The following HM13 variants were observed in gnomAD, a reference collection of about 807,000 sequenced individuals.
HM13 encodes signal peptide peptidase.
A neutral mutation model predicts 50.0 loss-of-function variants in HM13; 18 were observed. The observed-to-expected ratio is 0.36, with a 90% CI of 0.25 to 0.53. HM13 has a LOEUF of 0.53. Among genes scored for constraint, HM13 ranks in the 20% least tolerant of loss-of-function variants. HM13 has a pLI of 0.90. For synonymous variants in HM13, 197 were observed against 232.6 expected (o/e 0.85, Z 1.39); for missense variants, 393 against 552.4 (o/e 0.71, Z 2.89).
intron 2 of HM13, among the ~76,000 whole-genome samples, chr20:31,535,081 G>A (rs1395017838): frequency 2.7e-5 from 4 of 150,018 alleles, no homozygotes; most frequent in South Asian, 2.1e-4. Context: ...GCAAGACTCC[G>A]TCTCAAAAAA....
At chr20:31,542,248 G>T (rs561614772) in intron 3 of HM13, among the ~76,000 whole-genome samples, 2 of 152,344 alleles carry the variant, frequency 1.3e-5, no homozygotes, top group South Asian at 4.1e-4. Context: ...TAGTCACCAA[G>T]ATTCAAACCC....
chr20:31,548,595 G>T (rs1983849677), intron 4 of HM13: 1 of 236,704 alleles, frequency 4.2e-6, no homozygotes, highest in African/African-American at 2.2e-5. Context: ...GCCAGGCACT[G>T]TGCTGAATGC....
At chr20:31,527,362 G>GAGCATCTTGCCCCAGGATGAGGCAGGC in intron 1 of HM13, 122 bp from the exon 2 acceptor site, 2 of 656,336 alleles carry the variant, frequency 3.0e-6, no homozygotes, top group Non-Finnish European at 5.3e-6. Context: ...GGCAAGATCA[G>GAGCATCTTGCCCCAGGATGAGGCAGGC]AGCATCTTGC....
intron 7 of HM13, among the ~76,000 whole-genome samples, chr20:31,552,614 A>G (rs866878322): frequency 2.0e-5 from 3 of 152,334 alleles, no homozygotes; most frequent in Middle Eastern, 3.4e-3. Context: ...TGCTGACATC[A>G]GGCTGCCTGG....
intron 2 of HM13, among the ~76,000 whole-genome samples, chr20:31,537,624 C>G (rs1408686308): frequency 6.6e-6 from 1 of 152,190 alleles, no homozygotes; most frequent in Non-Finnish European, 1.5e-5. Context: ...CAAGTTTCAC[C>G]TAACGACGAA....
chr20:31,549,554 AC>A lies in HM13; in HGVS notation c.666+224del, dbSNP rs563402301. On this transcript the variant is annotated intron_variant, in intron 6 of 12. Transcript: ENST00000398174. ...GCACACTCATGCCCGGTGCCTTCCG[AC>A]CACCTGCCTCTCTTCCTTGCTAGCA... is the stretch of plus-strand genomic sequence containing the variant. Among the ~76,000 whole-genome samples the A allele has an allele frequency of 1.5e-3, 229 of 152,200 alleles. 2 individuals are homozygous for A. Among genetic ancestry groups the A allele is most frequent in the Middle Eastern group, 3.4e-3 (1 of 294 alleles).
chr20:31,518,594 C>T (rs941114034), intron 1 of HM13, among the ~76,000 whole-genome samples: 2 of 151,486 alleles, frequency 1.3e-5, no homozygotes, highest in African/African-American at 2.4e-5. Flanking sequence ...TGCAATGAGC[C>T]GAGATCATGC....
chr20:31,514,520 A>C lies in HM13; in HGVS notation c.-32A>C, dbSNP rs757639952. 1.8e-5 allele frequency: 29 copies of C among 1,590,822 alleles called. No homozygotes were observed. In the Middle Eastern group the frequency reaches 6.7e-4, roughly 37 times the overall value. ...CCTGCGTCCCTGCTGCAGCAACCGG[A>C]GCTGGAGTCGGATCCCGAACGCACC... On this transcript the variant is annotated 5_prime_UTR_variant, in exon 1 of 13. Transcript: ENST00000398174. This position sits in a 1 kb window ranked among gnomAD's most constrained non-coding sequence, Gnocchi z 4.3.
intron 1 of HM13, among the ~76,000 whole-genome samples, chr20:31,526,441 G>A (rs1247064769): frequency 1.3e-5 from 2 of 152,174 alleles, no homozygotes; most frequent in African/African-American, 2.4e-5. Context: ...ACAGGCGTGA[G>A]CCACTGCGCC....
At chr20:31,520,687 G>A (rs1982103750) in intron 1 of HM13, among the ~76,000 whole-genome samples, 1 of 152,178 alleles carries the variant, frequency 6.6e-6, no homozygotes. Context: ...TGATAGGCAG[G>A]AGGGAGAAGT....
intron 1 of HM13, among the ~76,000 whole-genome samples, chr20:31,521,587 G>A (rs974680877): frequency 1.3e-5 from 2 of 151,990 alleles, no homozygotes; most frequent in Non-Finnish European, 2.9e-5. Context: ...AAATTAGCTG[G>A]GCGTGGTGGT....
At chr20:31,549,157 C>T in intron 5 of HM13, 43 bp downstream of exon 5, 1 of 1,613,962 alleles carries the variant, frequency 6.2e-7, no homozygotes, top group Non-Finnish European at 8.5e-7. Context: ...ATGGGGTTGA[C>T]AGGGCAGGGT....
chr20:31,546,493 C>T (rs1030687544), intron 4 of HM13, among the ~76,000 whole-genome samples: 17 of 151,586 alleles, frequency 1.1e-4, no homozygotes, highest in Non-Finnish European at 2.5e-4. Flanking sequence ...AGATGGCTCA[C>T]GCCTCCCAGC....
rs1177956224 is a variant in HM13 at position 31,561,749 on chromosome 20, G to A, written c.948+13G>A. ...CAAGCATGCTCAGGTGGGCAGGACG[G>A]TATCAGAGTGTCAGGAATGCCTCAC... On this transcript the variant is annotated intron_variant, in intron 10 of 12. Coordinates refer to ENST00000398174, the MANE Select transcript of HM13 (RefSeq NM_178581.3). The A allele has an allele frequency of 1.3e-6, 2 of 1,548,802 alleles. No individual in the cohort carries two copies. The highest frequency in any genetic ancestry group is 1.7e-5 in the Admixed American group (1 of 59,936).
chr20:31,558,327 A>C (rs1465509117), intron 8 of HM13, among the ~76,000 whole-genome samples: 1 of 151,832 alleles, frequency 6.6e-6, no homozygotes, highest in Non-Finnish European at 1.5e-5. Context: ...GCACTGCCAC[A>C]GGGGCCTTTT....
chr20:31,533,968 C>T (rs951213324), intron 2 of HM13, among the ~76,000 whole-genome samples: 2 of 152,164 alleles, frequency 1.3e-5, no homozygotes, highest in African/African-American at 4.8e-5. Context: ...TAACTTTAAA[C>T]TCCCAGGCTC....
intron 3 of HM13, among the ~76,000 whole-genome samples, chr20:31,542,225 G>A (rs575968785): frequency 6.6e-6 from 1 of 152,350 alleles, no homozygotes; most frequent in South Asian, 2.1e-4. Flanking sequence ...GCCGCAGCCT[G>A]CCTTACCTTG....
At chr20:31,530,147 G>A (rs1157211762) in intron 2 of HM13, among the ~76,000 whole-genome samples, 2 of 151,884 alleles carry the variant, frequency 1.3e-5, no homozygotes, top group Admixed American at 6.6e-5. Flanking sequence ...TAAATAAACC[G>A]ATTCATCAAT....
At chr20:31,517,399 C>T (rs917982518) in intron 1 of HM13, among the ~76,000 whole-genome samples, 3 of 152,134 alleles carry the variant, frequency 2.0e-5, no homozygotes, top group Non-Finnish European at 4.4e-5. Context: ...GCAGTAGCTG[C>T]ACATTAAACA....
Sources: gnomAD v4.1 joint callset for allele counts (sites outside exome capture counted in the v4.1 genomes callset) on GRCh38, gnomAD v4.1.1 for gene constraint, Gnocchi (gnomAD v3.1) non-coding constraint, MANE v1.5 for transcripts, NCBI Gene and HGNC (gene_info 2026-07-23, HGNC 2026-07-21) for gene names.